SLC6A2: variants seen among roughly 807,000 people sequenced by gnomAD.
SLC6A2 encodes the protein sodium-dependent noradrenaline transporter.
Under a neutral mutation model 71.7 loss-of-function variants are expected in SLC6A2, and 26 were observed. The ratio of observed to expected loss-of-function variants is 0.36; its 90% CI spans 0.27 to 0.50. SLC6A2 has a LOEUF of 0.50. Among genes scored for constraint, SLC6A2 ranks in the 20% least tolerant of loss-of-function variants. The pLI, the probability that SLC6A2 is intolerant of heterozygous loss-of-function variation, is 0.96. For synonymous variants in SLC6A2, 363 were observed against 337.9 expected, an observed-to-expected ratio of 1.07 and a Z score of -0.82; for missense variants, 581 against 803.9, an observed-to-expected ratio of 0.72 and a Z score of 3.35.
In SLC6A2 at chr16:55,656,628, C is replaced by A; in HGVS notation, c.-51-16C>A. 6.2e-7 allele frequency: 1 copy of A among 1,600,162 alleles called. No homozygotes were observed. Among genetic ancestry groups the A allele is most frequent in the South Asian group, 1.1e-5 (1 of 90,382 alleles). ...GAACGGCCGGGTAACCACCTCTTTTCCCTTTATCCAAGCAGAGCCTCGGCG... is the reference window on the plus strand; with the variant it reads ...GAACGGCCGGGTAACCACCTCTTTTACCTTTATCCAAGCAGAGCCTCGGCG... On this transcript the variant is annotated splice_polypyrimidine_tract_variant and intron_variant, in intron 1 of 14. Coordinates refer to ENST00000568943, the MANE Select transcript of SLC6A2 (RefSeq NM_001172501.3). The surrounding 1 kb of genome is among the most constrained non-coding windows in gnomAD (Gnocchi z 4.5).
intron 5 of SLC6A2, among the ~76,000 whole-genome samples, chr16:55,689,374 T>C (rs1965546300): frequency 6.6e-6 from 1 of 152,246 alleles, no homozygotes; most frequent in Non-Finnish European, 1.5e-5. Flanking sequence ...ATGCTTGAAC[T>C]ATAGTCAGGG....
intron 4 of SLC6A2, among the ~76,000 whole-genome samples, chr16:55,677,665 T>TTTTGTTTG (rs139207409): frequency 0.51 from 76,731 of 150,602 alleles, 19,664 homozygotes; most frequent in Admixed American, 0.56. Flanking sequence ...CAGAGTTGTT[T>TTTTGTTTG]TTTGTTTGTT....
intron 9 of SLC6A2, 89 bp from the exon 10 acceptor site, chr16:55,697,808 C>T (rs1381480053): frequency 3.5e-6 from 5 of 1,447,088 alleles, no homozygotes; most frequent in Non-Finnish European, 4.8e-6. Flanking sequence ...GAGTCCTGGG[C>T]TGCAGGAGGC....
intron 10 of SLC6A2, 143 bp from the exon 11 acceptor site, chr16:55,698,326 C>T: frequency 1.4e-6 from 1 of 735,440 alleles, no homozygotes. Context: ...GTCAATACAA[C>T]AGCACCACAG....
At chr16:55,672,534 G>C (rs1360221682) in intron 4 of SLC6A2, among the ~76,000 whole-genome samples, 1 of 152,222 alleles carries the variant, frequency 6.6e-6, no homozygotes, top group East Asian at 1.9e-4. Context: ...CAATCATGGA[G>C]GGAAAAGAAC....
chr16:55,679,324 T>A (rs1340667775), intron 4 of SLC6A2, among the ~76,000 whole-genome samples: 2 of 152,038 alleles, frequency 1.3e-5, no homozygotes, highest in Non-Finnish European at 2.9e-5. Context: ...CCTCCCAGGT[T>A]CAAGTGATTC....
rs777709260 is a variant in SLC6A2, at chr16:55,671,857, A to C, written c.407-81A>C. The C allele has an allele frequency of 2.5e-6, 4 of 1,601,312 alleles. No homozygotes were observed. The Admixed American group carries it at 6.8e-5, about 27-fold the overall frequency. On this transcript the variant is annotated intron_variant, in intron 3 of 14. Coordinates refer to ENST00000568943, the MANE Select transcript of SLC6A2 (RefSeq NM_001172501.3). ...CGAGAGACAGAGGGAATGGGAGTGCAGTGGTGGAGCCACACCCAAGGAGAG... is the reference window on the plus strand; with the variant it reads ...CGAGAGACAGAGGGAATGGGAGTGCCGTGGTGGAGCCACACCCAAGGAGAG...
intron 5 of SLC6A2, among the ~76,000 whole-genome samples, chr16:55,687,936 TA>T (rs1965506038): frequency 6.6e-6 from 1 of 152,168 alleles, no homozygotes; most frequent in African/African-American, 2.4e-5. Context: ...AGTGTTACAC[TA>T]GGAAAGCCCC....
At chr16:55,699,180 G>T (rs1965893827) in intron 11 of SLC6A2, among the ~76,000 whole-genome samples, 1 of 152,206 alleles carries the variant, frequency 6.6e-6, no homozygotes, top group African/African-American at 2.4e-5. Context: ...TCTCCTATCA[G>T]ATTGAAGTCA....
chr16:55,669,441 G>T, intron 2 of SLC6A2, 124 bp from the exon 3 acceptor site: 1 of 880,938 alleles, frequency 1.1e-6, no homozygotes, highest in Non-Finnish European at 1.9e-6. Context: ...TGATTGCTGC[G>T]CGTCGCCTTT....
At chr16:55,677,227 T>A (rs1301615412) in intron 4 of SLC6A2, among the ~76,000 whole-genome samples, 3 of 151,142 alleles carry the variant, frequency 2.0e-5, no homozygotes, top group African/African-American at 7.3e-5. Context: ...CAGGTGGGGG[T>A]TTTAGGCCTT....
Position 55,703,363 on chromosome 16 carries a change from G to GGGGATCCCACCTGGAGT in SLC6A2, c.*1020_*1036dup, listed in dbSNP as rs1307961480. On this transcript the variant is annotated 3_prime_UTR_variant, in exon 15 of 15. Transcript: ENST00000568943. ...TTGCACACCTGCACAGCCTCCCTCT[G>GGGGATCCCACCTGGAGT]GGGATCCCACCTGGAGTGGACCAGG... The GGGGATCCCACCTGGAGT allele has an allele frequency of 7.3e-5, 72 of 985,446 alleles. 1 individual carries two copies. The highest frequency in any genetic ancestry group is 2.2e-5 in the Non-Finnish European group (18 of 829,940). 61.0% of individuals were successfully genotyped at this position (985,446 alleles called of 1,614,324 possible).
chr16:55,680,299 G>A (rs1418276392), intron 4 of SLC6A2, among the ~76,000 whole-genome samples: 1 of 152,164 alleles, frequency 6.6e-6, no homozygotes, highest in African/African-American at 2.4e-5. Flanking sequence ...ATTAGTCAGG[G>A]TTCTCTAGAG....
chr16:55,668,982 G>T (rs544175685), intron 2 of SLC6A2, among the ~76,000 whole-genome samples: 1 of 152,274 alleles, frequency 6.6e-6, no homozygotes, highest in South Asian at 2.1e-4. Flanking sequence ...GACCCTGACT[G>T]GTTATTATGT....
chr16:55,693,947 A>G, intron 6 of SLC6A2, 63 bp from the exon 7 acceptor site: 1 of 1,084,386 alleles, frequency 9.2e-7, no homozygotes, highest in African/African-American at 1.5e-5. Flanking sequence ...GCCCTTCCGG[A>G]CCAGTGAGGT....
intron 4 of SLC6A2, among the ~76,000 whole-genome samples, chr16:55,676,359 A>T (rs924212887): frequency 8.5e-5 from 13 of 152,114 alleles, no homozygotes; most frequent in Non-Finnish European, 1.5e-5. Context: ...AGCCTCACCC[A>T]CCTAATGAGG....
At chr16:55,667,555 T>A (rs1163778151) in intron 2 of SLC6A2, among the ~76,000 whole-genome samples, 2 of 152,176 alleles carry the variant, frequency 1.3e-5, no homozygotes. Flanking sequence ...CTGTCAGCAA[T>A]GTGCATAGGG....
intron 5 of SLC6A2, among the ~76,000 whole-genome samples, chr16:55,691,319 C>T (rs1396026220): frequency 1.4e-5 from 2 of 147,202 alleles, no homozygotes; most frequent in African/African-American, 5.1e-5. Context: ...CAGATAGGTG[C>T]ATGCAGCAAC....
chr16:55,667,439 T>G (rs2142503551), intron 2 of SLC6A2, among the ~76,000 whole-genome samples: 1 of 152,324 alleles, frequency 6.6e-6, no homozygotes, highest in Non-Finnish European at 1.5e-5. Context: ...ATGTAAAAAC[T>G]TGTGTGCAGC....
Sources: gnomAD v4.1 joint callset for allele counts (sites outside exome capture counted in the v4.1 genomes callset) on GRCh38, gnomAD v4.1.1 for gene constraint, Gnocchi (gnomAD v3.1) non-coding constraint, MANE v1.5 for transcripts, NCBI Gene and HGNC (gene_info 2026-07-23, HGNC 2026-07-21) for gene names.